Variants in GAD1 observed in about 807,000 individuals in gnomAD.
The protein encoded by GAD1 is glutamate decarboxylase 1, also known as 67 kDa glutamic acid decarboxylase.
A neutral mutation model predicts 75.2 loss-of-function variants in GAD1; 35 were observed. That is an observed-to-expected ratio of 0.47 (90% CI 0.36 to 0.62). GAD1 has a LOEUF of 0.62. GAD1 is among the 20% of genes least tolerant of loss of function. The probability of loss-of-function intolerance (pLI) is 0.00; values close to 1 mark genes in which losing one functional copy is unlikely to be tolerated. For missense variants in GAD1, 490 were observed against 758.5 expected (o/e 0.65, Z 4.16); for synonymous variants, 257 against 271.9 (o/e 0.95, Z 0.54).
intron 13 of GAD1, 176 bp downstream of exon 13, chr2:170,852,968 T>C: frequency 1.5e-6 from 1 of 677,650 alleles, no homozygotes; most frequent in Non-Finnish European, 2.7e-6. Flanking sequence ...TTTCTTCTCT[T>C]GGCTCTTGCT....
Position 170,818,816 on chromosome 2 carries a change from C to T in GAD1, c.82+143C>T, listed in dbSNP as rs1701784026. 1 of 823,010 alleles carries T rather than the reference C, an allele frequency of 1.2e-6. No individual in the cohort carries two copies. The highest frequency in any genetic ancestry group is 2.6e-5 in the East Asian group (1 of 37,806). The allele number at this position is 823,010 out of a possible 1,614,324, so 51.0% of individuals were successfully genotyped here. On this transcript the variant is annotated intron_variant, in intron 2 of 16. Transcript: ENST00000358196. The surrounding 1 kb of genome is among the most constrained non-coding windows in gnomAD (Gnocchi z 5.9). ...AAATAAATGGGGCTCTGACCCCGTC[C>T]CTGCCAGAGGTCATTCGGCTGTCAG...
chr2:170,820,802 C>T (rs1457067194), intron 2 of GAD1, among the ~76,000 whole-genome samples: 1 of 152,222 alleles, frequency 6.6e-6, no homozygotes, highest in Non-Finnish European at 1.5e-5. Context: ...CTCATGTAAC[C>T]TCTCTGAGCC....
At chr2:170,815,032 C>A (rs1701670242), upstream of GAD1, among the ~76,000 whole-genome samples, 3 of 152,166 alleles carry the variant, frequency 2.0e-5, no homozygotes, top group Non-Finnish European at 4.4e-5. Flanking sequence ...TCCTTCCTGT[C>A]TCCTGCCCCG....
intron 3 of GAD1, among the ~76,000 whole-genome samples, chr2:170,822,827 T>C (rs1438505694): frequency 6.6e-6 from 1 of 152,106 alleles, no homozygotes; most frequent in African/African-American, 2.4e-5. Context: ...TGGCGCATCC[T>C]TGAAGGCGAG....
chr2:170,835,222 A>C (rs1702342760), intron 5 of GAD1, among the ~76,000 whole-genome samples: 1 of 152,212 alleles, frequency 6.6e-6, no homozygotes, highest in African/African-American at 2.4e-5. Flanking sequence ...TTAGTTAATT[A>C]AACTCATTTG....
At chr2:170,834,002 A>G (rs2105783636) in intron 5 of GAD1, among the ~76,000 whole-genome samples, 3 of 148,706 alleles carry the variant, frequency 2.0e-5, no homozygotes, top group Admixed American at 2.0e-4. Flanking sequence ...CCCTGTTTCA[A>G]AAAAAAAAAA....
upstream of GAD1, among the ~76,000 whole-genome samples, chr2:170,814,222 T>C (rs1042655239): frequency 1.3e-5 from 2 of 152,072 alleles, no homozygotes; most frequent in East Asian, 3.8e-4. Context: ...GTGGGCGAAA[T>C]ACCTCACCCC....
At chr2:170,849,133 T>A (rs569349367) in intron 11 of GAD1, 153 bp from the exon 12 acceptor site, 1 of 717,562 alleles carries the variant, frequency 1.4e-6, no homozygotes, top group African/African-American at 1.7e-5. Flanking sequence ...TCACAACTGA[T>A]TGAACAATCA....
At chr2:170,852,651 C>G in intron 12 of GAD1, 63 bp from the exon 13 acceptor site, 2 of 1,418,258 alleles carry the variant, frequency 1.4e-6, no homozygotes, top group Non-Finnish European at 2.0e-6. Context: ...GTGTTTTCCT[C>G]AAGAGAACAG....
rs986454594 is a variant in GAD1 at position 170,849,502 on chromosome 2, G to A, written c.1184+152G>A. ...AGCAGGCATTTGTTGAGCATTTATT[G>A]GATGACTGATTTCCCAGTCAAATGA... On this transcript the variant is annotated intron_variant, in intron 12 of 16. Coordinates refer to ENST00000358196, the MANE Select transcript of GAD1 (RefSeq NM_000817.3). 8 of 747,824 alleles carry A rather than the reference G, an allele frequency of 1.1e-5. No individual in the cohort carries two copies. In the Admixed American group the frequency reaches 1.4e-4, roughly 13 times the overall value. The allele number at this position is 747,824 out of a possible 1,614,324, so 46.3% of individuals were successfully genotyped here.
At chr2:170,835,807 T>C (rs1443604395) in intron 5 of GAD1, among the ~76,000 whole-genome samples, 1 of 152,254 alleles carries the variant, frequency 6.6e-6, no homozygotes, top group Non-Finnish European at 1.5e-5. Context: ...CCTCAGATTC[T>C]GTTGGCAATG....
intron 6 of GAD1, among the ~76,000 whole-genome samples, chr2:170,840,494 T>C (rs943195167): frequency 2.0e-5 from 3 of 152,166 alleles, no homozygotes; most frequent in Non-Finnish European, 4.4e-5. Context: ...CCAGATTTTG[T>C]GTGCCTTTCT....
chr2:170,830,476 C>T (rs953738406), intron 4 of GAD1, among the ~76,000 whole-genome samples: 7 of 152,226 alleles, frequency 4.6e-5, no homozygotes, highest in African/African-American at 7.2e-5. Flanking sequence ...AGTTTCCTGT[C>T]GAAGGACACC....
At chr2:170,835,185 A>G (rs1702341676) in intron 5 of GAD1, among the ~76,000 whole-genome samples, 2 of 152,200 alleles carry the variant, frequency 1.3e-5, no homozygotes, top group African/African-American at 4.8e-5. Flanking sequence ...CAAATTTCCA[A>G]TTGTATCATG....
chr2:170,833,363 A>G (rs1245723775), intron 5 of GAD1, among the ~76,000 whole-genome samples: 1 of 152,256 alleles, frequency 6.6e-6, no homozygotes, highest in Non-Finnish European at 1.5e-5. Context: ...ACTCAGTTAT[A>G]TGTACAAAAT....
Position 170,844,198 on chromosome 2 carries a change from C to A in GAD1, c.751+41C>A, listed in dbSNP as rs774745771. 5.3e-6 allele frequency: 6 copies of A among 1,125,770 alleles called. No homozygotes were observed. The Admixed American group carries it at 6.8e-5, about 13-fold the overall frequency. 69.7% of individuals were successfully genotyped at this position (1,125,770 alleles called of 1,614,324 possible). On this transcript the variant is annotated intron_variant, in intron 7 of 16. Coordinates refer to ENST00000358196, the MANE Select transcript of GAD1 (RefSeq NM_000817.3). ...CTTCCTCTTCTCAAGGTTTGGGATTCTTAAGAATACAAAATATGAAGTAGG... is the reference window on the plus strand; with the variant it reads ...CTTCCTCTTCTCAAGGTTTGGGATTATTAAGAATACAAAATATGAAGTAGG...
In GAD1 at chr2:170,828,502, ATCTCCTCCCTCTGCTGTCCTTGC is replaced by A. The variant is rs1559272260; in HGVS notation, c.146-952_146-930del. Among the ~76,000 whole-genome samples the A allele has an allele frequency of 8.1e-4, 23 of 28,372 alleles. No homozygotes were observed. In the East Asian group the frequency reaches 8.3e-3, roughly 10 times the overall value. 18.6% of individuals were successfully genotyped at this position (28,372 alleles called of 152,430 possible). ...TGATCTCCTCCCTCTGCTGTCCTTG[ATCTCCTCCCTCTGCTGTCCTTGC>A]TCTCCTCCCTCTGCTGTCCTCACCC... is the stretch of plus-strand genomic sequence containing the variant. On this transcript the variant is annotated intron_variant, in intron 3 of 16. Coordinates refer to ENST00000358196, the MANE Select transcript of GAD1 (RefSeq NM_000817.3).
At position 170,853,425 on chromosome 2, in the gene GAD1, C is replaced by T. The variant is rs1702786371; in HGVS notation, c.1264-448C>T. ...ATCTGCACAGCGTCTTTAGTCCACT[C>T]ATATGTGGAATCCATGTTAATGTCA... On this transcript the variant is annotated intron_variant, in intron 13 of 16. Coordinates refer to ENST00000358196, the MANE Select transcript of GAD1 (RefSeq NM_000817.3). This position sits in a 1 kb window ranked among gnomAD's most constrained non-coding sequence, Gnocchi z 4.1. The T allele has an allele frequency of 4.4e-6, 1 of 228,666 alleles. No individual in the cohort carries two copies. The highest frequency in any genetic ancestry group is 8.8e-6 in the Non-Finnish European group (1 of 114,284). The allele number at this position is 228,666 out of a possible 1,614,324, so 14.2% of individuals were successfully genotyped here.
chr2:170,853,874 G>A lies in GAD1; in HGVS notation c.1265G>A (p.Gly422Asp), dbSNP rs965039416. The change falls in exon 14 of 17, where the codon GGT becomes GAT. Residue 422 changes from glycine to aspartate, a missense_variant and splice_region_variant. Physicochemically the swap from Gly to Asp is moderately conservative, Grantham distance 94 (BLOSUM62 -1). This residue lies in a region of GAD1 where 324 missense variants were observed against 523.9 expected (regional missense o/e 0.62). Transcript: ENST00000358196. The surrounding 1 kb of genome is among the most constrained non-coding windows in gnomAD (Gnocchi z 4.1). ...CACCCATCTTAATTTCCATGATAGGGTATACTCCAAGGATGCAACCAGATG... is the reference window on the plus strand; with the variant it reads ...CACCCATCTTAATTTCCATGATAGGATATACTCCAAGGATGCAACCAGATG... ...QCSAILVKEK[G>D]ILQGCNQMCA... The A allele has an allele frequency of 3.7e-6, 6 of 1,614,030 alleles. No individual in the cohort carries two copies. The highest frequency in any genetic ancestry group is 1.7e-5 in the Admixed American group (1 of 60,004).
Sources: gnomAD v4.1 joint callset for allele counts (sites outside exome capture counted in the v4.1 genomes callset) on GRCh38, gnomAD v4.1.1 for gene constraint, gnomAD v4.1.1 regional missense constraint, Gnocchi (gnomAD v3.1) non-coding constraint, MANE v1.5 for transcripts, NCBI Gene and HGNC (gene_info 2026-07-23, HGNC 2026-07-21) for gene names.